The following PHF12 variants were observed in gnomAD, a reference collection of about 807,000 sequenced individuals.
The protein encoded by PHF12 is PHD finger protein 12, also known as PHD factor 1.
Under a neutral mutation model 99.8 loss-of-function variants are expected in PHF12, and 6 were observed. The ratio of observed to expected loss-of-function variants is 0.06; its 90% CI spans 0.03 to 0.12. The LOEUF (loss-of-function observed/expected upper bound fraction) is 0.12, where lower values mean the gene tolerates loss of function less well. Ranked by LOEUF, PHF12 falls within the 10% of genes least tolerant of loss-of-function variation. The pLI is 1.00. For synonymous variants in PHF12, 480 were observed against 514.9 expected, an observed-to-expected ratio of 0.93 and a Z score of 0.92; for missense variants, 954 against 1,300.1, an observed-to-expected ratio of 0.73 and a Z score of 4.09.
rs1264991304 is a variant in PHF12 at position 28,912,513 on chromosome 17, G to T, written c.2058C>A (p.Asn686Lys). 1 of 1,607,072 alleles carries T rather than the reference G, an allele frequency of 6.2e-7. No homozygotes were observed. Among genetic ancestry groups the T allele is most frequent in the South Asian group, 1.1e-5 (1 of 90,744 alleles). The change falls in exon 9 of 15, where the codon AAC (asparagine) becomes AAA (lysine). Residue 686 changes from asparagine (N) to lysine (K), a missense_variant. Physicochemically the swap from Asn to Lys is moderately conservative, Grantham distance 94 (BLOSUM62 0). This residue lies in a region of PHF12 where 392 missense variants were observed against 423.1 expected (regional missense o/e 0.93). Coordinates refer to ENST00000332830, the MANE Select transcript of PHF12 (RefSeq NM_001033561.2). Reference protein sequence around the residue: ...AGDGILATTANQRFSSPAPSS... With the variant: ...AGDGILATTAKQRFSSPAPSS... ...ATGGCGCTGGTGAGCTGAATCGTTGGTTGGCTGTTGTGGCCAAGATACCAT... is the reference window on the plus strand; with the variant it reads ...ATGGCGCTGGTGAGCTGAATCGTTGTTTGGCTGTTGTGGCCAAGATACCAT...
At position 28,924,249 on chromosome 17, in the gene PHF12, A is replaced by T; in HGVS notation, c.375T>A (p.Ser125=). The T allele has an allele frequency of 6.2e-7, 1 of 1,614,194 alleles. No homozygotes were observed. The highest frequency in any genetic ancestry group is 8.5e-7 in the Non-Finnish European group (1 of 1,180,030). Residue 125 remains serine (S), a synonymous_variant, in exon 4 of 15, where the codon TCT becomes TCA. Transcript: ENST00000332830. ...LGHVNGLVDK[S]GKRTTSPSSD... ...TGCTGGGGGATGTAGTCCGTTTGCCAGATTTGTCCACCAGTCCATTGACAT... is the reference window on the plus strand; with the variant it reads ...TGCTGGGGGATGTAGTCCGTTTGCCTGATTTGTCCACCAGTCCATTGACAT...
chr17:28,905,872 A>C lies in PHF12; in HGVS notation c.*311T>G. The C allele has an allele frequency of 7.7e-6, 2 of 258,172 alleles. No homozygotes were observed. The highest frequency in any genetic ancestry group is 7.0e-5 in the East Asian group (1 of 14,350). The allele number at this position is 258,172 out of a possible 1,614,324, so 16.0% of individuals were successfully genotyped here. A position where few individuals can be genotyped will look rare whatever the true frequency, so the allele number is the denominator to read the frequency against. On this transcript the variant is annotated 3_prime_UTR_variant, in exon 15 of 15. Transcript: ENST00000332830. ...GGAGGGAGCAGGAGGTGGGTGGGGA[A>C]GGGTTTTGTGTTGGAGGAAGTGTCC...
intron 2 of PHF12, 131 bp from the exon 3 acceptor site, chr17:28,927,194 C>T: frequency 1.3e-6 from 1 of 754,890 alleles, no homozygotes; most frequent in East Asian, 2.6e-5. Flanking sequence ...TTGTCTCCTC[C>T]AAAATGCCTA....
rs1232682815 is a variant in PHF12 at position 28,950,799 on chromosome 17, A to G, written c.66+96T>C. 1 of 1,535,864 alleles carries G rather than the reference A, an allele frequency of 6.5e-7. No individual in the cohort carries two copies. The highest frequency in any genetic ancestry group is 8.8e-7 in the Non-Finnish European group (1 of 1,133,518). On this transcript the variant is annotated intron_variant, in intron 1 of 14. Coordinates refer to ENST00000332830, the MANE Select transcript of PHF12 (RefSeq NM_001033561.2). The surrounding 1 kb of genome is among the most constrained non-coding windows in gnomAD (Gnocchi z 5.7). ...GAGGAAGAATCCCCCTCCCTCGGCC[A>G]TCTAGGCGCTTCGAGTTTAGGACTG... is the stretch of plus-strand genomic sequence containing the variant.
intron 9 of PHF12, chr17:28,912,173 G>C: frequency 1.7e-6 from 2 of 1,182,986 alleles, no homozygotes; most frequent in Non-Finnish European, 2.1e-6. Flanking sequence ...GAACAAAACA[G>C]GCAGAGGCCT....
chr17:28,917,725 C>A (rs1428378065), intron 6 of PHF12, among the ~76,000 whole-genome samples: 1 of 152,184 alleles, frequency 6.6e-6, no homozygotes, highest in Non-Finnish European at 1.5e-5. Context: ...CGTGCCCTTC[C>A]AAATTCGGCC....
chr17:28,919,234 G>A lies in PHF12; in HGVS notation c.878C>T (p.Pro293Leu), dbSNP rs868750847. 1 of 1,614,070 alleles carries A rather than the reference G, an allele frequency of 6.2e-7. No homozygotes were observed. Among genetic ancestry groups the A allele is most frequent in the African/African-American group, 1.3e-5 (1 of 74,936 alleles). Residue 293 changes from proline (P) to leucine (L), a missense_variant, in exon 6 of 15, where the codon CCT becomes CTT. By Grantham distance (98) the Pro-to-Leu change is moderately conservative. This residue lies in a region of PHF12 where 85 missense variants were observed against 196.6 expected (regional missense o/e 0.43). Transcript: ENST00000332830. Reference protein sequence around the residue: ...VAPLIQCDYCPLLFHMDCLEP... With the variant: ...VAPLIQCDYCLLLFHMDCLEP... ...GAGGCAATCCATGTGAAACAGGAGA[G>A]GGCAATAGTCACACTGGATGAGAGG...
chr17:28,947,430 TA>T (rs1045394098), intron 2 of PHF12, among the ~76,000 whole-genome samples: 17 of 152,010 alleles, frequency 1.1e-4, no homozygotes, highest in Non-Finnish European at 2.4e-4. Context: ...ATACAAAAAT[TA>T]GCTGGGTGTG....
At chr17:28,918,897 A>G (rs1013363963) in intron 6 of PHF12, among the ~76,000 whole-genome samples, 5 of 152,230 alleles carry the variant, frequency 3.3e-5, no homozygotes, top group African/African-American at 1.2e-4. Flanking sequence ...ATTCCCTATA[A>G]GTCACTTACA....
In PHF12 at chr17:28,951,131, C is replaced by A; in HGVS notation, c.-171G>T. The A allele has an allele frequency of 7.0e-7, 1 of 1,437,932 alleles. No homozygotes were observed. Among genetic ancestry groups the A allele is most frequent in the Non-Finnish European group, 9.1e-7 (1 of 1,099,082 alleles). The allele number at this position is 1,437,932 out of a possible 1,614,324, so 89.1% of individuals were successfully genotyped here. A position where few individuals can be genotyped will look rare whatever the true frequency, so the allele number is the denominator to read the frequency against. ...ACCCCCCGGCCCCCAGTCCCCGGGA[C>A]GACAGCGTCCTCCCGACGGGCCGCG... On this transcript the variant is annotated 5_prime_UTR_variant, in exon 1 of 15. Coordinates refer to ENST00000332830, the MANE Select transcript of PHF12 (RefSeq NM_001033561.2).
At chr17:28,947,520 A>G (rs2040741147) in intron 2 of PHF12, among the ~76,000 whole-genome samples, 1 of 151,956 alleles carries the variant, frequency 6.6e-6, no homozygotes, top group Non-Finnish European at 1.5e-5. Flanking sequence ...GGAGGTTGCA[A>G]TAAGCCGAGA....
intron 2 of PHF12, among the ~76,000 whole-genome samples, chr17:28,941,151 A>G (rs553286908): frequency 1.3e-5 from 2 of 151,992 alleles, no homozygotes; most frequent in Non-Finnish European, 2.9e-5. Context: ...CCATAAACCC[A>G]AACGGAATCT....
chr17:28,935,296 G>C (rs184680960), intron 2 of PHF12, among the ~76,000 whole-genome samples: 1 of 151,974 alleles, frequency 6.6e-6, no homozygotes, highest in Non-Finnish European at 1.5e-5. Flanking sequence ...TTTTGAGATG[G>C]AGCCTCACTC....
intron 3 of PHF12, 48 bp downstream of exon 3, chr17:28,926,943 G>T (rs1330058056): frequency 1.2e-6 from 2 of 1,609,598 alleles, no homozygotes; most frequent in Non-Finnish European, 1.7e-6. Flanking sequence ...GCATATCAGT[G>T]CTCTGGATCA....
At chr17:28,914,641 C>T (rs897264611) in intron 7 of PHF12, among the ~76,000 whole-genome samples, 5 of 122,616 alleles carry the variant, frequency 4.1e-5, no homozygotes, top group South Asian at 5.5e-4. Context: ...CACTGCAGTC[C>T]GGCCTGGGTG....
chr17:28,939,599 G>T (rs1190228536), intron 2 of PHF12, among the ~76,000 whole-genome samples: 1 of 152,226 alleles, frequency 6.6e-6, no homozygotes, highest in Non-Finnish European at 1.5e-5. Flanking sequence ...GGAAAGAAAA[G>T]CAAGAGTAGG....
At position 28,921,726 on chromosome 17, in the gene PHF12, G is replaced by A. The variant is rs148610349; in HGVS notation, c.798C>T (p.Leu266=). 11 of 1,613,992 alleles carry A rather than the reference G, an allele frequency of 6.8e-6. No homozygotes were observed. Among genetic ancestry groups the A allele is most frequent in the Admixed American group, 3.3e-5 (2 of 60,008 alleles). The change falls in exon 5 of 15, where the codon CTC becomes CTT. Residue 266 remains leucine, a synonymous_variant. Coordinates refer to ENST00000332830, the MANE Select transcript of PHF12 (RefSeq NM_001033561.2). ...KTQHELDHNG[L]VPLPVKVCFT... is the part of the protein sequence containing the mutation. ...AGCAGACTTTGACGGGTAAGGGAAC[G>A]AGACCATTGTGATCTAATTCATGCT... is the stretch of plus-strand genomic sequence containing the variant.
At position 28,950,617 on chromosome 17, in the gene PHF12, A is replaced by C; in HGVS notation, c.66+278T>G. ...TGGGGGAAGCACAAAGGGGCCAACA[A>C]GAAGGGGGTGGGGAGGCCTGCCGGT... On this transcript the variant is annotated intron_variant, in intron 1 of 14. Transcript: ENST00000332830. The surrounding 1 kb of genome is among the most constrained non-coding windows in gnomAD (Gnocchi z 5.7). 1 of 528,500 alleles carries C rather than the reference A, an allele frequency of 1.9e-6. No homozygotes were observed. Among genetic ancestry groups the C allele is most frequent in the South Asian group, 2.7e-5 (1 of 36,396 alleles). The allele number at this position is 528,500 out of a possible 1,614,324, so 32.7% of individuals were successfully genotyped here.
At chr17:28,916,898 C>A (rs1278729871) in intron 7 of PHF12, among the ~76,000 whole-genome samples, 4 of 152,188 alleles carry the variant, frequency 2.6e-5, no homozygotes, top group Non-Finnish European at 5.9e-5. Context: ...CTTCACCTTC[C>A]ACATGGCTCT....
Sources: gnomAD v4.1 joint callset for allele counts (sites outside exome capture counted in the v4.1 genomes callset) on GRCh38, gnomAD v4.1.1 for gene constraint, gnomAD v4.1.1 regional missense constraint, Gnocchi (gnomAD v3.1) non-coding constraint, MANE v1.5 for transcripts, NCBI Gene and HGNC (gene_info 2026-07-23, HGNC 2026-07-21) for gene names.